The following EMP1 variants were observed in gnomAD, a reference collection of about 807,000 sequenced individuals.
EMP1 encodes tumor-associated membrane protein.
EMP1 carries 5 observed loss-of-function variants against 15.7 expected under a neutral mutation model. That is an observed-to-expected ratio of 0.32 (90% CI 0.17 to 0.67). The LOEUF is 0.67. EMP1 is among the 30% of genes least tolerant of loss of function. The pLI, the probability that EMP1 is intolerant of heterozygous loss-of-function variation, is 0.74. For missense variants in EMP1, 166 were observed against 194.2 expected (o/e 0.85, Z 0.86); for synonymous variants, 78 against 76.7 (o/e 1.02, Z -0.09).
rs1178324021 is a variant in EMP1, at chr12:13,211,591, G to A, written c.78+3G>A. 3.1e-6 allele frequency: 5 copies of A among 1,613,356 alleles called. No individual in the cohort carries two copies. The highest frequency in any genetic ancestry group is 4.2e-6 in the Non-Finnish European group (5 of 1,179,778). On this transcript the variant is annotated splice_donor_region_variant and intron_variant, in intron 2 of 4. Transcript: ENST00000256951. The surrounding 1 kb of genome is among the most constrained non-coding windows in gnomAD (Gnocchi z 4.7). The stretch of plus-strand genomic sequence containing the variant: ...TATTTGTTAGCACCATTGCCAATGT[G>A]AGTAATGTTCTTTTGTTCATTCATT...
At chr12:13,214,417 A>G in intron 4 of EMP1, 117 bp from the exon 5 acceptor site, 1 of 1,417,748 alleles carries the variant, frequency 7.1e-7, no homozygotes. Flanking sequence ...GGGACAAACA[A>G]GCAGAATTCA....
intron 1 of EMP1, among the ~76,000 whole-genome samples, chr12:13,205,326 T>C (rs903025816): frequency 2.0e-5 from 3 of 152,216 alleles, no homozygotes; most frequent in Admixed American, 2.0e-4. Context: ...CACACACATA[T>C]ATACCCTTGT....
rs537838464 is a variant in EMP1, at chr12:13,216,669, A to G, written c.*1978A>G. The G allele has an allele frequency of 2.1e-5, 11 of 514,950 alleles. No individual in the cohort carries two copies. In the South Asian group the frequency reaches 3.3e-4, roughly 16 times the overall value. 31.9% of individuals were successfully genotyped at this position (514,950 alleles called of 1,614,324 possible). ...CTCTGGTGGATTGTTCTAGTACTGT[A>G]TTGGGCTTCTTCGTTAATAGATTAT... On this transcript the variant is annotated 3_prime_UTR_variant, in exon 5 of 5. Coordinates refer to ENST00000256951, the MANE Select transcript of EMP1 (RefSeq NM_001423.3).
rs1481552421 is a variant in EMP1 at position 13,211,366 on chromosome 12, C to T, written c.-42-103C>T. 3 of 764,342 alleles carry T rather than the reference C, an allele frequency of 3.9e-6. No individual in the cohort carries two copies. The highest frequency in any genetic ancestry group is 3.5e-5 in the African/African-American group (2 of 56,576). 47.3% of individuals were successfully genotyped at this position (764,342 alleles called of 1,614,324 possible). ...GATTAGATTGTGATGGTTTTTAGTG[C>T]AGCTCTTCCTCATGTTAGCAGATAG... On this transcript the variant is annotated intron_variant, in intron 1 of 4. Coordinates refer to ENST00000256951, the MANE Select transcript of EMP1 (RefSeq NM_001423.3). This position sits in a 1 kb window ranked among gnomAD's most constrained non-coding sequence, Gnocchi z 4.7.
At chr12:13,204,552 A>G (rs1864094144) in intron 1 of EMP1, among the ~76,000 whole-genome samples, 1 of 152,228 alleles carries the variant, frequency 6.6e-6, no homozygotes. Context: ...CGACTTGCGC[A>G]GAGGACAGAA....
At chr12:13,206,773 C>T (rs1167476630) in intron 1 of EMP1, among the ~76,000 whole-genome samples, 1 of 152,150 alleles carries the variant, frequency 6.6e-6, no homozygotes, top group Non-Finnish European at 1.5e-5. Flanking sequence ...AAAGTCTCTG[C>T]AGATTTAGTT....
In EMP1 at chr12:13,213,477, AG is replaced by A; in HGVS notation, c.79del. 6.2e-7 allele frequency: 1 copy of A among 1,613,804 alleles called. No individual in the cohort carries two copies. The highest frequency in any genetic ancestry group is 8.5e-7 in the Non-Finnish European group (1 of 1,179,828). On this transcript the variant is annotated splice_acceptor_variant, in intron 2 of 4. Coordinates refer to ENST00000256951, the MANE Select transcript of EMP1 (RefSeq NM_001423.3). LOFTEE classifies it high-confidence loss of function. ...TAACATTTTCTTTCCTTCTGGTTTC[AG>A]GTCTGGTTGGTTTCCAATACGGTAG...
chr12:13,215,979 A>G lies in EMP1; in HGVS notation c.*1288A>G, dbSNP rs559209377. The G allele has an allele frequency of 5.9e-6, 1 of 169,496 alleles. No individual in the cohort carries two copies. The highest frequency in any genetic ancestry group is 2.4e-5 in the African/African-American group (1 of 41,592). The allele number at this position is 169,496 out of a possible 1,614,324, so 10.5% of individuals were successfully genotyped here. On this transcript the variant is annotated 3_prime_UTR_variant, in exon 5 of 5. Coordinates refer to ENST00000256951, the MANE Select transcript of EMP1 (RefSeq NM_001423.3). ...AAATAAAAATATAGGTGATGGGCAGATCTTTTCTTTAAAATAAAAAAGCAA... is the reference window on the plus strand; with the variant it reads ...AAATAAAAATATAGGTGATGGGCAGGTCTTTTCTTTAAAATAAAAAAGCAA...
chr12:13,214,385 C>T, intron 4 of EMP1, 149 bp from the exon 5 acceptor site: 2 of 1,078,860 alleles, frequency 1.9e-6, no homozygotes, highest in South Asian at 1.6e-5. Context: ...GCCCAGGGGA[C>T]ATCCATCAGA....
At chr12:13,205,478 T>C (rs1358483174) in intron 1 of EMP1, among the ~76,000 whole-genome samples, 2 of 152,016 alleles carry the variant, frequency 1.3e-5, no homozygotes, top group Non-Finnish European at 2.9e-5. Flanking sequence ...AATAAAGGAC[T>C]AAAGTCTATG....
At position 13,213,346 on chromosome 12, in the gene EMP1, G is replaced by A; in HGVS notation, c.79-133G>A. 5 of 781,626 alleles carry A rather than the reference G, an allele frequency of 6.4e-6. No individual in the cohort carries two copies. In the South Asian group the frequency reaches 9.1e-5, roughly 14 times the overall value. 48.4% of individuals were successfully genotyped at this position (781,626 alleles called of 1,614,324 possible). On this transcript the variant is annotated intron_variant, in intron 2 of 4. Transcript: ENST00000256951. ...GGACCTTATTTCCGCCCACAGATAA[G>A]CTGCATAGCCATAGTTATAGCTAAA...
At chr12:13,203,609 T>C (rs1214282619) in intron 1 of EMP1, among the ~76,000 whole-genome samples, 1 of 152,250 alleles carries the variant, frequency 6.6e-6, no homozygotes, top group Non-Finnish European at 1.5e-5. Context: ...AGCCTCTCAT[T>C]TTACACAGAG....
chr12:13,200,854 C>T (rs568661396), intron 1 of EMP1, among the ~76,000 whole-genome samples: 27 of 152,286 alleles, frequency 1.8e-4, no homozygotes, highest in East Asian at 1.2e-3. Context: ...GCTGTTGGTG[C>T]GCTTGGACTT....
Position 13,215,319 on chromosome 12 carries a change from C to T in EMP1, c.*628C>T, listed in dbSNP as rs1864205179. On this transcript the variant is annotated 3_prime_UTR_variant, in exon 5 of 5. Transcript: ENST00000256951. ...TGGGTTAGCTAAACCAAGAAGGAGA[C>T]CTTTTCACAATGGAAAACCTGGGGG... is the stretch of plus-strand genomic sequence containing the variant. 6.6e-6 allele frequency: 1 copy of T among 152,646 alleles called. No individual in the cohort carries two copies. The highest frequency in any genetic ancestry group is 6.5e-5 in the Admixed American group (1 of 15,310). 9.5% of individuals were successfully genotyped at this position (152,646 alleles called of 1,614,324 possible).
At chr12:13,197,503 C>T (rs948150120) in intron 1 of EMP1, among the ~76,000 whole-genome samples, 3 of 152,056 alleles carry the variant, frequency 2.0e-5, no homozygotes, top group Admixed American at 6.5e-5. Context: ...TGGCCGGGCA[C>T]GGTGGCTCAT....
intron 1 of EMP1, among the ~76,000 whole-genome samples, chr12:13,203,398 G>C (rs1864083669): frequency 6.6e-6 from 1 of 152,212 alleles, no homozygotes; most frequent in Non-Finnish European, 1.5e-5. Context: ...TCACAGCCCA[G>C]GTCTGGCCTC....
At chr12:13,213,439 G>T in intron 2 of EMP1, 40 bp from the exon 3 acceptor site, 2 of 1,566,490 alleles carry the variant, frequency 1.3e-6, no homozygotes, top group South Asian at 2.2e-5. Context: ...AAATCAGAGG[G>T]CCAGCTTTCA....
intron 1 of EMP1, among the ~76,000 whole-genome samples, chr12:13,206,874 G>T (rs1864114653): frequency 6.6e-6 from 1 of 151,980 alleles, no homozygotes; most frequent in Non-Finnish European, 1.5e-5. Context: ...CTGAACAAAG[G>T]CAACAAGGCA....
intron 1 of EMP1, among the ~76,000 whole-genome samples, chr12:13,199,892 C>G (rs1339518832): frequency 1.3e-5 from 2 of 151,810 alleles, no homozygotes; most frequent in Non-Finnish European, 2.9e-5. Context: ...ACACTTAACG[C>G]CTATTTAATA....
Sources: gnomAD v4.1 joint callset for allele counts (sites outside exome capture counted in the v4.1 genomes callset) on GRCh38, gnomAD v4.1.1 for gene constraint, Gnocchi (gnomAD v3.1) non-coding constraint, MANE v1.5 for transcripts, NCBI Gene and HGNC (gene_info 2026-07-23, HGNC 2026-07-21) for gene names.